DENND1A: variants seen among roughly 807,000 people sequenced by gnomAD.
The protein encoded by DENND1A is DENN domain containing 1A, also known as DENN domain-containing protein 1A.
Under a neutral mutation model 113.7 loss-of-function variants are expected in DENND1A, and 51 were observed. That is an observed-to-expected ratio of 0.45 (90% CI 0.36 to 0.57). The LOEUF is 0.57. Among genes scored for constraint, DENND1A ranks in the 20% least tolerant of loss-of-function variants. DENND1A has a pLI of 0.00. For missense variants in DENND1A, 1,258 were observed against 1,395.9 expected (o/e 0.90, Z 1.57); for synonymous variants, 565 against 570.8 (o/e 0.99, Z 0.14).
At chr9:123,603,396 T>C (rs1276634835) in intron 11 of DENND1A, among the ~76,000 whole-genome samples, 1 of 152,218 alleles carries the variant, frequency 6.6e-6, no homozygotes, top group Non-Finnish European at 1.5e-5. Flanking sequence ...AAATGTGGCC[T>C]CTGGATCCCG....
chr9:123,457,235 C>T, intron 15 of DENND1A, 113 bp downstream of exon 15: 1 of 790,006 alleles, frequency 1.3e-6, no homozygotes, highest in East Asian at 2.5e-5. Flanking sequence ...AGCTTGAAAG[C>T]AGTCTCTTCC....
intron 9 of DENND1A, among the ~76,000 whole-genome samples, chr9:123,646,552 T>C (rs1170924228): frequency 6.6e-6 from 1 of 152,108 alleles, no homozygotes; most frequent in Non-Finnish European, 1.5e-5. Context: ...GAAACCACAG[T>C]GTCGCCTTTC....
chr9:123,776,163 C>T (rs1440441097), intron 3 of DENND1A, among the ~76,000 whole-genome samples: 1 of 152,120 alleles, frequency 6.6e-6, no homozygotes, highest in African/African-American at 2.4e-5. Context: ...AGTGTCTGGG[C>T]GCTGTGTATG....
At chr9:123,828,126 GAGAA>G (rs1252281322) in intron 2 of DENND1A, among the ~76,000 whole-genome samples, 1 of 151,966 alleles carries the variant, frequency 6.6e-6, no homozygotes, top group Non-Finnish European at 1.5e-5. Context: ...TGCTCAATAT[GAGAA>G]AGAAAGAAAG....
At chr9:123,582,329 A>G (rs1290136366) in intron 12 of DENND1A, among the ~76,000 whole-genome samples, 1 of 152,170 alleles carries the variant, frequency 6.6e-6, no homozygotes, top group Non-Finnish European at 1.5e-5. Context: ...TCTGGACACT[A>G]AGGTCACTTC....
At chr9:123,868,655 C>T (rs1181864611) in intron 2 of DENND1A, among the ~76,000 whole-genome samples, 1 of 152,138 alleles carries the variant, frequency 6.6e-6, no homozygotes, top group Non-Finnish European at 1.5e-5. Context: ...GGCCTGAGGC[C>T]TAATACTGTG....
rs1368983203 is a variant in DENND1A, at chr9:123,689,378, C to T, written c.303-12589G>A. ...GATTGAATGAATGCAGGAAAGTTGCCTTTTAATGAGTTACTACAAAAAGTA... is the reference window on the plus strand; with the variant it reads ...GATTGAATGAATGCAGGAAAGTTGCTTTTTAATGAGTTACTACAAAAAGTA... On this transcript the variant is annotated intron_variant, in intron 5 of 23. Transcript: ENST00000394215. Among the ~76,000 whole-genome samples the T allele has an allele frequency of 3.3e-5, 5 of 152,038 alleles. No individual in the cohort carries two copies. In the East Asian group the frequency reaches 9.6e-4, roughly 29 times the overall value.
intron 3 of DENND1A, among the ~76,000 whole-genome samples, chr9:123,781,989 G>C (rs1831386457): frequency 1.3e-5 from 2 of 152,096 alleles, no homozygotes; most frequent in African/African-American, 4.8e-5. Flanking sequence ...AGAATCGCTT[G>C]AACCTGGGAG....
intron 13 of DENND1A, among the ~76,000 whole-genome samples, chr9:123,530,575 T>C (rs1173402746): frequency 6.6e-6 from 1 of 152,146 alleles, no homozygotes; most frequent in Non-Finnish European, 1.5e-5. Context: ...ATAGTGAACA[T>C]GGATGTTGAC....
intron 13 of DENND1A, among the ~76,000 whole-genome samples, chr9:123,532,161 T>C (rs763718399): frequency 3.0e-4 from 45 of 152,380 alleles, no homozygotes; most frequent in Middle Eastern, 3.4e-3. Flanking sequence ...CTCCCTGACA[T>C]ACTGATGGCA....
chr9:123,906,269 T>C (rs1262133363), intron 1 of DENND1A, among the ~76,000 whole-genome samples: 91 of 137,378 alleles, frequency 6.6e-4, no homozygotes, highest in Non-Finnish European at 1.1e-3. Context: ...AGATCCAAAA[T>C]TGACACCCTA....
At chr9:123,462,776 A>G (rs963599811) in intron 13 of DENND1A, among the ~76,000 whole-genome samples, 3 of 152,188 alleles carry the variant, frequency 2.0e-5, no homozygotes, top group Non-Finnish European at 4.4e-5. Context: ...CAGCCTGGGC[A>G]ACAAGAGTGA....
intron 13 of DENND1A, among the ~76,000 whole-genome samples, chr9:123,493,571 C>T (rs2051579244): frequency 6.6e-6 from 1 of 152,182 alleles, no homozygotes; most frequent in Admixed American, 6.5e-5. Flanking sequence ...ATCCAGAAGA[C>T]ATCCACAGAG....
intron 8 of DENND1A, among the ~76,000 whole-genome samples, chr9:123,657,508 A>G (rs1477357027): frequency 4.6e-5 from 7 of 152,188 alleles, no homozygotes; most frequent in African/African-American, 1.7e-4. Flanking sequence ...TCCTCAAACC[A>G]AAGAACTGAC....
At chr9:123,819,679 A>C (rs1838147361) in intron 2 of DENND1A, among the ~76,000 whole-genome samples, 1 of 152,052 alleles carries the variant, frequency 6.6e-6, no homozygotes, top group Non-Finnish European at 1.5e-5. Flanking sequence ...CTAGGACTAC[A>C]GGTGCATGCC....
intron 21 of DENND1A, chr9:123,401,510 C>A: frequency 7.9e-7 from 1 of 1,259,994 alleles, no homozygotes; most frequent in Non-Finnish European, 1.0e-6. Context: ...CTTGTGGGCC[C>A]GAGCCACTGT....
At chr9:123,812,066 T>G (rs1315988062) in intron 2 of DENND1A, among the ~76,000 whole-genome samples, 2 of 152,136 alleles carry the variant, frequency 1.3e-5, no homozygotes, top group African/African-American at 4.8e-5. Flanking sequence ...CCACCCCTTA[T>G]CCCATTATCC....
chr9:123,429,616 G>A (rs1419017028), intron 19 of DENND1A, among the ~76,000 whole-genome samples: 1 of 152,104 alleles, frequency 6.6e-6, no homozygotes, highest in African/African-American at 2.4e-5. Flanking sequence ...TTTAACAAAT[G>A]GTGCTGGGAG....
chr9:123,623,335 G>A (rs767136722), intron 10 of DENND1A, among the ~76,000 whole-genome samples: 8 of 152,156 alleles, frequency 5.3e-5, no homozygotes, highest in Non-Finnish European at 1.2e-4. Flanking sequence ...ATGGCCCCTA[G>A]GTGCCACTTG....
Sources: gnomAD v4.1 joint callset for allele counts (sites outside exome capture counted in the v4.1 genomes callset) on GRCh38, gnomAD v4.1.1 for gene constraint, MANE v1.5 for transcripts, NCBI Gene and HGNC (gene_info 2026-07-23, HGNC 2026-07-21) for gene names.